CTNNA3: variants seen among roughly 807,000 people sequenced by gnomAD.
CTNNA3 encodes the protein catenin alpha 3, also known as catenin alpha-3.
A neutral mutation model predicts 95.7 loss-of-function variants in CTNNA3; 76 were observed. The observed-to-expected ratio is 0.79, with a 90% CI of 0.66 to 0.96. The LOEUF (loss-of-function observed/expected upper bound fraction) is 0.96, where lower values mean the gene tolerates loss of function less well. Ranked by LOEUF, CTNNA3 falls within the 40% of genes least tolerant of loss-of-function variation. CTNNA3 has a pLI of 0.00. For missense variants in CTNNA3, 1,191 were observed against 1,089.8 expected (o/e 1.09, Z -1.31); for synonymous variants, 431 against 374.4 (o/e 1.15, Z -1.74).
At chr10:67,387,251 G>GC (rs1844212915) in intron 5 of CTNNA3, among the ~76,000 whole-genome samples, 1 of 152,172 alleles carries the variant, frequency 6.6e-6, no homozygotes, top group Non-Finnish European at 1.5e-5. Context: ...CTGGGGAAGC[G>GC]CAAGGGGTCA....
At chr10:67,061,653 A>T (rs1013994350) in intron 7 of CTNNA3, among the ~76,000 whole-genome samples, 8 of 152,232 alleles carry the variant, frequency 5.3e-5, no homozygotes, top group African/African-American at 1.9e-4. Context: ...GATTCCTTTT[A>T]CCTGTCCTCA....
chr10:66,210,536 G>A (rs2088077562), intron 13 of CTNNA3, among the ~76,000 whole-genome samples: 2 of 151,960 alleles, frequency 1.3e-5, no homozygotes, highest in Admixed American at 1.3e-4. Flanking sequence ...CATAATTCCA[G>A]GGTAAATCTA....
intron 9 of CTNNA3, among the ~76,000 whole-genome samples, chr10:66,754,557 C>T (rs969262054): frequency 1.3e-5 from 2 of 151,830 alleles, no homozygotes; most frequent in Non-Finnish European, 2.9e-5. Context: ...TCAGAGAATA[C>T]CATCAAAAAA....
intron 5 of CTNNA3, among the ~76,000 whole-genome samples, chr10:67,329,122 A>G (rs1469020015): frequency 6.6e-6 from 1 of 152,200 alleles, no homozygotes; most frequent in Non-Finnish European, 1.5e-5. Context: ...CTATAATCCT[A>G]GCATTTTGGG....
At chr10:66,156,322 T>TA (rs1244194457) in intron 13 of CTNNA3, among the ~76,000 whole-genome samples, 1 of 152,008 alleles carries the variant, frequency 6.6e-6, no homozygotes, top group East Asian at 1.9e-4. Context: ...TCTATCAATG[T>TA]AAATGTCCTG....
intron 3 of CTNNA3, among the ~76,000 whole-genome samples, chr10:67,603,168 C>T (rs1035847469): frequency 6.6e-6 from 1 of 152,184 alleles, no homozygotes; most frequent in Non-Finnish European, 1.5e-5. Flanking sequence ...CATACGGGGT[C>T]AGTAAACACT....
chr10:66,678,048 A>G (rs938255476), intron 9 of CTNNA3, among the ~76,000 whole-genome samples: 1 of 152,190 alleles, frequency 6.6e-6, no homozygotes, highest in African/African-American at 2.4e-5. Context: ...ATTCAGCACT[A>G]TAAACGGAAC....
intron 3 of CTNNA3, among the ~76,000 whole-genome samples, chr10:67,588,348 T>C (rs1183211856): frequency 1.3e-5 from 2 of 152,198 alleles, no homozygotes; most frequent in African/African-American, 4.8e-5. Flanking sequence ...ATTTACTTTT[T>C]TTCATGGAGG....
intron 15 of CTNNA3, among the ~76,000 whole-genome samples, chr10:65,994,107 G>A (rs2078598726): frequency 6.6e-6 from 1 of 152,076 alleles, no homozygotes; most frequent in African/African-American, 2.4e-5. Context: ...CTGTCATTTT[G>A]TAAATTGTTT....
intron 5 of CTNNA3, among the ~76,000 whole-genome samples, chr10:67,285,644 T>C (rs970737029): frequency 1.3e-5 from 2 of 152,168 alleles, no homozygotes; most frequent in African/African-American, 4.8e-5. Context: ...GGAAAGTACA[T>C]AGAAAGGAAA....
intron 13 of CTNNA3, among the ~76,000 whole-genome samples, chr10:66,183,153 A>G (rs1448426823): frequency 6.6e-6 from 1 of 152,242 alleles, no homozygotes; most frequent in Non-Finnish European, 1.5e-5. Context: ...ACAAACCTTT[A>G]GACAGTCCAT....
intron 11 of CTNNA3, among the ~76,000 whole-genome samples, chr10:66,390,178 A>G (rs1354856213): frequency 5.3e-5 from 8 of 152,228 alleles, no homozygotes; most frequent in African/African-American, 1.9e-4. Context: ...TCTATAGTCC[A>G]GAGAACAGAC....
intron 10 of CTNNA3, among the ~76,000 whole-genome samples, chr10:66,528,212 C>A (rs1242950162): frequency 6.6e-6 from 1 of 152,126 alleles, no homozygotes; most frequent in Non-Finnish European, 1.5e-5. Flanking sequence ...CACCCCAGAC[C>A]AAAGCCAGTT....
chr10:67,226,233 G>A (rs966972958), intron 5 of CTNNA3, among the ~76,000 whole-genome samples: 8 of 152,106 alleles, frequency 5.3e-5, no homozygotes, highest in African/African-American at 1.2e-4. Flanking sequence ...TATGTTAAAC[G>A]ACCAAACCTA....
At chr10:67,741,642 A>G (rs1589586835) in intron 1 of CTNNA3, among the ~76,000 whole-genome samples, 1 of 151,290 alleles carries the variant, frequency 6.6e-6, no homozygotes, top group East Asian at 1.9e-4. Flanking sequence ...ATAGGATCAA[A>G]TTCACACATA....
intron 1 of CTNNA3, among the ~76,000 whole-genome samples, chr10:67,756,200 G>A (rs1184769795): frequency 1.3e-5 from 2 of 152,058 alleles, no homozygotes; most frequent in Admixed American, 6.6e-5. Context: ...GTTGATTAAC[G>A]GGTACATATT....
intron 5 of CTNNA3, among the ~76,000 whole-genome samples, chr10:67,264,091 T>A: frequency 6.6e-6 from 1 of 152,206 alleles, no homozygotes; most frequent in Non-Finnish European, 1.5e-5. Flanking sequence ...TAAGGAAATA[T>A]CAAAAATGAA....
intron 5 of CTNNA3, among the ~76,000 whole-genome samples, chr10:67,501,458 G>A (rs924655902): frequency 5.3e-5 from 8 of 152,070 alleles, no homozygotes; most frequent in East Asian, 1.9e-4. Context: ...TGCTTTTCTC[G>A]AGAAGTATCT....
intron 5 of CTNNA3, among the ~76,000 whole-genome samples, chr10:67,231,615 C>G (rs1327456783): frequency 1.3e-5 from 2 of 152,180 alleles, no homozygotes; most frequent in Non-Finnish European, 2.9e-5. Context: ...AAAAGCAGAG[C>G]ACCTCTCCTC....
Sources: allele counts gnomAD v4.1 joint callset (sites outside exome capture counted in the v4.1 genomes callset), GRCh38; gene constraint gnomAD v4.1.1; transcripts MANE v1.5; gene names NCBI Gene and HGNC (gene_info 2026-07-23, HGNC 2026-07-21).